Variants in SV2C observed in about 807,000 individuals in gnomAD.
The protein encoded by SV2C is synaptic vesicle glycoprotein 2C.
In SV2C, 49 loss-of-function variants were observed where a neutral mutation model predicts 79.7. The observed-to-expected ratio is 0.61, with a 90% confidence interval of 0.49 to 0.78. The LOEUF is 0.78. Among genes scored for constraint, SV2C ranks in the 30% least tolerant of loss-of-function variants. The pLI, the probability that SV2C is intolerant of heterozygous loss-of-function variation, is 0.00. For missense variants in SV2C, 833 were observed against 912.9 expected, an observed-to-expected ratio of 0.91 and a Z score of 1.13; for synonymous variants, 334 against 333.2, an observed-to-expected ratio of 1.00 and a Z score of -0.03.
chr5:76,121,658 T>C (rs1748500693), intron 1 of SV2C, among the ~76,000 whole-genome samples: 1 of 151,598 alleles, frequency 6.6e-6, no homozygotes, highest in African/African-American at 2.4e-5. Context: ...TTCTCAGGTT[T>C]GTCAAAGATC....
chr5:76,165,251 CCTT>C (rs1245010318), intron 2 of SV2C, among the ~76,000 whole-genome samples: 3 of 152,170 alleles, frequency 2.0e-5, no homozygotes, highest in Non-Finnish European at 4.4e-5. Flanking sequence ...TCTTACATAA[CCTT>C]AGTACATTGT....
chr5:76,342,278 T>C (rs2937730), intron 12 of SV2C, among the ~76,000 whole-genome samples: 104,068 of 152,104 alleles, frequency 0.68, 36,050 homozygotes, highest in East Asian at 0.97. Context: ...ATTCATCTTG[T>C]CAGATCAGAG....
intron 1 of SV2C, among the ~76,000 whole-genome samples, chr5:76,112,989 T>C (rs1217974037): frequency 6.6e-6 from 1 of 152,240 alleles, no homozygotes; most frequent in Admixed American, 6.5e-5. Flanking sequence ...CCCAGAGGTA[T>C]GACAGTTGAA....
chr5:75,925,670 G>C, the SV2C span, among the ~76,000 whole-genome samples: 4 of 152,046 alleles, frequency 2.6e-5, no homozygotes, highest in African/African-American at 9.7e-5. Context: ...TGGGGATGGA[G>C]AGGGAGAGTT....
the SV2C span, among the ~76,000 whole-genome samples, chr5:75,898,231 G>A: frequency 1.5e-4 from 23 of 152,274 alleles, no homozygotes; most frequent in African/African-American, 5.5e-4. Flanking sequence ...TTATTATTTT[G>A]AGATACGTCC....
chr5:76,342,001 G>T (rs2112585733), intron 12 of SV2C, among the ~76,000 whole-genome samples: 1 of 152,276 alleles, frequency 6.6e-6, no homozygotes, highest in Admixed American at 6.5e-5. Context: ...AACTCCAAGT[G>T]ACTTACCCAC....
chr5:76,203,059 G>A (rs1337882775), intron 3 of SV2C, among the ~76,000 whole-genome samples: 2 of 152,162 alleles, frequency 1.3e-5, no homozygotes, highest in African/African-American at 2.4e-5. Context: ...CCAACAAAAA[G>A]GCTGACCTTT....
At chr5:75,864,309 A>ATT in the SV2C span, among the ~76,000 whole-genome samples, 1 of 132,088 alleles carries the variant, frequency 7.6e-6, no homozygotes, top group South Asian at 2.5e-4. Flanking sequence ...GTCCAGTGCC[A>ATT]CTCCATCCAT....
intron 12 of SV2C, among the ~76,000 whole-genome samples, chr5:76,344,430 C>T (rs1185267315): frequency 1.2e-4 from 18 of 152,154 alleles, no homozygotes; most frequent in East Asian, 9.6e-4. Context: ...GATTTTAGGC[C>T]GGGTGCGGTG....
chr5:76,029,828 A>G, the SV2C span, among the ~76,000 whole-genome samples: 1 of 152,208 alleles, frequency 6.6e-6, no homozygotes, highest in Non-Finnish European at 1.5e-5. Context: ...TGGAATAAAA[A>G]TCAGCAGAAT....
the SV2C span, among the ~76,000 whole-genome samples, chr5:75,941,016 G>A: frequency 6.6e-6 from 1 of 152,148 alleles, no homozygotes; most frequent in Non-Finnish European, 1.5e-5. Flanking sequence ...TTTATTAGCT[G>A]TTAAAGTTTA....
chr5:76,102,702 G>T (rs958142653), intron 1 of SV2C, among the ~76,000 whole-genome samples: 70 of 152,248 alleles, frequency 4.6e-4, no homozygotes, highest in Admixed American at 3.7e-3. Context: ...TATACCAAGG[G>T]AATCTGTGTG....
chr5:76,353,127 TA>T lies in SV2C; in HGVS notation c.2001-2del, dbSNP rs1749673805. ...AGCTAATTTTTTAATTTTTTTTTTG[TA>T]GACGCAGAGTCTTGCCATGTTGCCC... On this transcript the variant is annotated splice_acceptor_variant, in intron 12 of 12. Transcript: ENST00000322285. LOFTEE classifies it high-confidence loss of function. 2.2e-6 allele frequency: 1 copy of T among 453,138 alleles called. No homozygotes were observed. Among genetic ancestry groups the T allele is most frequent in the Non-Finnish European group, 4.4e-6 (1 of 226,246 alleles). 28.1% of individuals were successfully genotyped at this position (453,138 alleles called of 1,614,324 possible). A position where few individuals can be genotyped will look rare whatever the true frequency, so the allele number is the denominator to read the frequency against.
chr5:76,251,250 G>C (rs1746106799), intron 4 of SV2C, among the ~76,000 whole-genome samples: 1 of 152,056 alleles, frequency 6.6e-6, no homozygotes. Context: ...GCTCATCAAA[G>C]CACAGGTTGT....
chr5:75,889,851 C>A, the SV2C span, among the ~76,000 whole-genome samples: 2 of 152,064 alleles, frequency 1.3e-5, no homozygotes, highest in Non-Finnish European at 2.9e-5. Context: ...GGTGCCCACT[C>A]TAGAGATGTG....
At chr5:76,026,678 A>C in the SV2C span, among the ~76,000 whole-genome samples, 1 of 152,378 alleles carries the variant, frequency 6.6e-6, no homozygotes, top group African/African-American at 2.4e-5. Flanking sequence ...CAGGAATTCC[A>C]AGAGTCGGAG....
intron 2 of SV2C, among the ~76,000 whole-genome samples, chr5:76,182,779 G>A (rs1743777284): frequency 6.6e-6 from 1 of 152,110 alleles, no homozygotes; most frequent in Non-Finnish European, 1.5e-5. Flanking sequence ...AATTTATAAA[G>A]AAAGGGTCGT....
the SV2C span, among the ~76,000 whole-genome samples, chr5:75,962,519 A>G: frequency 6.6e-6 from 1 of 152,174 alleles, no homozygotes. Flanking sequence ...TAACATTGTC[A>G]GGACACTGTC....
intron 4 of SV2C, among the ~76,000 whole-genome samples, chr5:76,268,133 G>A (rs1250613205): frequency 3.3e-5 from 5 of 152,154 alleles, no homozygotes; most frequent in Non-Finnish European, 7.3e-5. Context: ...AGCAGGCTGG[G>A]GCAAGGTTGC....
Sources: gnomAD v4.1 joint callset for allele counts (sites outside exome capture counted in the v4.1 genomes callset) on GRCh38, gnomAD v4.1.1 for gene constraint, MANE v1.5 for transcripts, NCBI Gene and HGNC (gene_info 2026-07-23, HGNC 2026-07-21) for gene names.